NREP: variants seen among roughly 807,000 people sequenced by gnomAD.
NREP encodes neuronal regeneration related protein, also known as neuronal regeneration-related protein.
In NREP, 5 loss-of-function variants were observed where a neutral mutation model predicts 8.6. The observed-to-expected ratio is 0.58, with a 90% CI of 0.30 to 1.22. The LOEUF (loss-of-function observed/expected upper bound fraction) is 1.22, where lower values mean the gene tolerates loss of function less well. NREP is among the 50% of genes most tolerant of loss of function. The pLI is 0.07. For synonymous variants in NREP, 27 were observed against 28.0 expected (o/e 0.96, Z 0.11); for missense variants, 86 against 82.5 (o/e 1.04, Z -0.17).
intron 2 of NREP, among the ~76,000 whole-genome samples, chr5:111,909,534 T>C (rs1280895427): frequency 1.3e-5 from 2 of 152,086 alleles, no homozygotes; most frequent in South Asian, 2.1e-4. Context: ...CAAGATATCA[T>C]TGGGAAATAG....
Position 111,801,200 on chromosome 5 carries a change from GT to G in NREP, c.136-65694del, listed in dbSNP as rs763725575. ...AGAGAAAGAATTTACAATTACAAAT[GT>G]TTACAGTAAATGCTAGTAGAAAAGG... On this transcript the variant is annotated intron_variant, in intron 2 of 3. Transcript: ENST00000395634. Among the ~76,000 whole-genome samples, 17 of 152,316 alleles carry G rather than the reference GT, an allele frequency of 1.1e-4. No individual in the cohort carries two copies. In the East Asian group the frequency reaches 1.5e-3, roughly 14 times the overall value.
chr5:111,756,296 TA>T (rs77528562), intron 1 of NREP: 21,502 of 236,106 alleles, frequency 0.091, 1 homozygote, highest in Non-Finnish European at 0.1. Context: ...CTTCCGTGTT[TA>T]AAAAAAAAAA....
intron 2 of NREP, among the ~76,000 whole-genome samples, chr5:111,754,522 A>C (rs1750581357): frequency 6.6e-6 from 1 of 152,240 alleles, no homozygotes; most frequent in Non-Finnish European, 1.5e-5. Context: ...AATACTTTAC[A>C]GCAGTTGATT....
At chr5:111,854,512 T>C (rs896106228) in intron 2 of NREP, among the ~76,000 whole-genome samples, 6 of 152,208 alleles carry the variant, frequency 3.9e-5, no homozygotes, top group African/African-American at 1.4e-4. Flanking sequence ...TCCCCGAGCT[T>C]CACTGTTTAC....
chr5:111,757,105 C>T (rs1370028663), intron 1 of NREP, 31 bp downstream of exon 1: 4 of 714,528 alleles, frequency 5.6e-6, no homozygotes, highest in Non-Finnish European at 6.9e-6. Flanking sequence ...ACCAGCGCTC[C>T]CAGCCGGGGA....
At chr5:111,939,606 G>A (rs1382185896) in intron 2 of NREP, among the ~76,000 whole-genome samples, 1 of 152,030 alleles carries the variant, frequency 6.6e-6, no homozygotes, top group Non-Finnish European at 1.5e-5. Context: ...CACAGCTGAG[G>A]TCAAACAAGG....
intron 2 of NREP, among the ~76,000 whole-genome samples, chr5:111,903,448 G>A (rs974725591): frequency 3.3e-5 from 5 of 151,962 alleles, no homozygotes; most frequent in Non-Finnish European, 7.4e-5. Flanking sequence ...TAAACCGTTG[G>A]TAATTATAAA....
intron 2 of NREP, among the ~76,000 whole-genome samples, chr5:111,771,763 CAAA>C (rs367581931): frequency 1.6e-5 from 1 of 63,100 alleles, no homozygotes; most frequent in Non-Finnish European, 3.4e-5. Flanking sequence ...AACTCCATCT[CAAA>C]AAAAAAAAAA....
intron 2 of NREP, among the ~76,000 whole-genome samples, chr5:111,925,103 C>T (rs1008310317): frequency 6.6e-6 from 1 of 152,074 alleles, no homozygotes; most frequent in African/African-American, 2.4e-5. Context: ...AACAGAGAGA[C>T]CAGCTCCAGT....
intron 2 of NREP, among the ~76,000 whole-genome samples, chr5:111,895,828 T>C (rs1193554802): frequency 6.6e-6 from 1 of 152,116 alleles, no homozygotes; most frequent in Admixed American, 6.6e-5. Context: ...TGAAACTCTG[T>C]AACTGAGAAC....
intron 2 of NREP, among the ~76,000 whole-genome samples, chr5:111,819,194 AC>A (rs1198894056): frequency 1.3e-5 from 2 of 152,056 alleles, no homozygotes; most frequent in African/African-American, 4.8e-5. Flanking sequence ...GACCTGAGTC[AC>A]CCCTGGTCAC....
chr5:111,814,023 T>C (rs2112917007), intron 2 of NREP, among the ~76,000 whole-genome samples: 1 of 152,140 alleles, frequency 6.6e-6, no homozygotes, highest in Admixed American at 6.5e-5. Context: ...TCTCAAACAT[T>C]TGTATAGTTT....
chr5:111,926,627 C>T (rs1033776876), intron 2 of NREP, among the ~76,000 whole-genome samples: 1 of 152,014 alleles, frequency 6.6e-6, no homozygotes, highest in African/African-American at 2.4e-5. Flanking sequence ...TCTTCAGAGT[C>T]TTGGGGTCAA....
At chr5:111,964,185 T>C (rs1454558521) in intron 2 of NREP, among the ~76,000 whole-genome samples, 4 of 152,224 alleles carry the variant, frequency 2.6e-5, no homozygotes, top group Admixed American at 2.0e-4. Context: ...TTTCTAATTT[T>C]TGCTTATTAA....
rs763888862 is a variant in NREP, at chr5:111,877,939, C to T, written c.135+97335G>A. On this transcript the variant is annotated intron_variant, in intron 2 of 3. Transcript: ENST00000395634. ...GCTACAGCTATGTGAAAGAGAGGGA[C>T]AACTGAGAGGACATGCCTTAGGCAT... Among the ~76,000 whole-genome samples the T allele has an allele frequency of 3.2e-4, 48 of 152,308 alleles. 2 individuals carry two copies. The highest frequency in any genetic ancestry group is 2.3e-3 in the Admixed American group (35 of 15,312).
intron 2 of NREP, among the ~76,000 whole-genome samples, chr5:111,891,764 T>C (rs1347986261): frequency 6.6e-6 from 1 of 152,156 alleles, no homozygotes; most frequent in African/African-American, 2.4e-5. Context: ...TGCCACATTC[T>C]TTTAAACAGC....
intron 2 of NREP, among the ~76,000 whole-genome samples, chr5:111,959,989 C>A (rs901934769): frequency 1.1e-4 from 16 of 152,018 alleles, no homozygotes; most frequent in African/African-American, 3.1e-4. Flanking sequence ...GGTCCATGGA[C>A]AGCTGCCAGT....
At chr5:111,765,269 C>G (rs935676664) in intron 2 of NREP, among the ~76,000 whole-genome samples, 3 of 152,172 alleles carry the variant, frequency 2.0e-5, no homozygotes, top group Admixed American at 6.5e-5. Flanking sequence ...AATGATCTGA[C>G]AGGAGGCAGA....
intron 2 of NREP, among the ~76,000 whole-genome samples, chr5:111,750,946 T>C (rs1342232398): frequency 2.6e-5 from 4 of 152,198 alleles, no homozygotes; most frequent in Non-Finnish European, 4.4e-5. Context: ...CCTTTAATAA[T>C]GGAAAATAAT....
Sources: gnomAD v4.1 joint callset for allele counts (sites outside exome capture counted in the v4.1 genomes callset) on GRCh38, gnomAD v4.1.1 for gene constraint, MANE v1.5 for transcripts, NCBI Gene and HGNC (gene_info 2026-07-23, HGNC 2026-07-21) for gene names.